The following NOS1 variants were observed in gnomAD, a reference collection of about 807,000 sequenced individuals.
NOS1 encodes the protein NOS type I.
NOS1 carries 51 observed loss-of-function variants against 164.5 expected under a neutral mutation model. That is an observed-to-expected ratio of 0.31 (90% confidence interval 0.25 to 0.39). NOS1 has a LOEUF of 0.39. Among genes scored for constraint, NOS1 ranks in the 10% least tolerant of loss-of-function variants. NOS1 has a pLI of 1.00. For synonymous variants in NOS1, 719 were observed against 745.8 expected (o/e 0.96, Z 0.59); for missense variants, 1,362 against 1,885.6 (o/e 0.72, Z 5.14).
rs1956556286 is a variant in NOS1 at position 117,213,373 on chromosome 12, G to C, written c.*1936C>G. The C allele has an allele frequency of 1.0e-6, 1 of 985,486 alleles. No individual in the cohort carries two copies. The highest frequency in any genetic ancestry group is 1.2e-6 in the Non-Finnish European group (1 of 829,960). 61.0% of individuals were successfully genotyped at this position (985,486 alleles called of 1,614,324 possible). On this transcript the variant is annotated 3_prime_UTR_variant, in exon 29 of 29. Coordinates refer to ENST00000317775, the MANE Select transcript of NOS1 (RefSeq NM_000620.5). ...TCAGGATTAGAAGGGGTGAGTGTGG[G>C]ATGCTAAGTGTTTGTTCTTTATATC...
At chr12:117,336,280 G>A (rs996683457) in intron 1 of NOS1, among the ~76,000 whole-genome samples, 4 of 152,174 alleles carry the variant, frequency 2.6e-5, no homozygotes, top group Non-Finnish European at 5.9e-5. Flanking sequence ...TCCATTTTTA[G>A]CATTGAAAGA....
At chr12:117,338,288 C>T (rs1035194355) in intron 1 of NOS1, among the ~76,000 whole-genome samples, 2 of 151,852 alleles carry the variant, frequency 1.3e-5, no homozygotes, top group Non-Finnish European at 2.9e-5. Flanking sequence ...GTAGTCCCAG[C>T]TATTCTGGAG....
chr12:117,215,715 G>A (rs145420983), intron 28 of NOS1, among the ~76,000 whole-genome samples: 48 of 152,242 alleles, frequency 3.2e-4, no homozygotes, highest in African/African-American at 1.2e-3. Context: ...TTGCAGGCGT[G>A]AGCCACTGCA....
Position 117,212,248 on chromosome 12 carries a change from C to T in NOS1, c.*3061G>A. ...GGCATTTCGTGGGCATTGTCTCATT[C>T]AATCCACCTTGTTATACAGGTGGGT... On this transcript the variant is annotated 3_prime_UTR_variant, in exon 29 of 29. Transcript: ENST00000317775. 1.0e-6 allele frequency: 1 copy of T among 985,350 alleles called. No homozygotes were observed. Among genetic ancestry groups the T allele is most frequent in the Non-Finnish European group, 1.2e-6 (1 of 829,906 alleles). 61.0% of individuals were successfully genotyped at this position (985,350 alleles called of 1,614,324 possible). A position where few individuals can be genotyped will look rare whatever the true frequency, so the allele number is the denominator to read the frequency against.
Position 117,243,013 on chromosome 12 carries a change from G to C in NOS1, c.2962+284C>G, listed in dbSNP as rs1870310960. Among the ~76,000 whole-genome samples the C allele has an allele frequency of 6.6e-6, 1 of 152,202 alleles. No homozygotes were observed. ...GCAGGCATTGGTTGGGATGGGTGGG[G>C]TGGTTGTGGGTAGTGCAGAACAAAA... On this transcript the variant is annotated intron_variant, in intron 19 of 28. Transcript: ENST00000317775. The surrounding 1 kb of genome is among the most constrained non-coding windows in gnomAD (Gnocchi z 4.3).
intron 20 of NOS1, among the ~76,000 whole-genome samples, chr12:117,235,656 T>C (rs1869646101): frequency 6.6e-6 from 1 of 152,230 alleles, no homozygotes. Flanking sequence ...CCTTTCTGCA[T>C]TGATTTTTGT....
intron 3 of NOS1, among the ~76,000 whole-genome samples, chr12:117,300,296 G>C (rs868555452): frequency 6.6e-6 from 1 of 152,196 alleles, no homozygotes; most frequent in Middle Eastern, 3.2e-3. Context: ...GTCACTGATT[G>C]TGAACCACAG....
intron 10 of NOS1, among the ~76,000 whole-genome samples, chr12:117,268,838 C>T (rs1258163941): frequency 1.3e-5 from 2 of 151,676 alleles, no homozygotes; most frequent in Non-Finnish European, 2.9e-5. Flanking sequence ...ACCTCATGAT[C>T]CACCCGCCTT....
intron 3 of NOS1, among the ~76,000 whole-genome samples, chr12:117,307,431 G>C (rs1478173182): frequency 1.3e-5 from 2 of 152,106 alleles, no homozygotes; most frequent in Non-Finnish European, 2.9e-5. Context: ...CACTAACAGG[G>C]CTCACTGTAG....
chr12:117,361,231 T>C (rs1877133728), intron 1 of NOS1, among the ~76,000 whole-genome samples: 2 of 149,986 alleles, frequency 1.3e-5, no homozygotes, highest in South Asian at 4.2e-4. Flanking sequence ...GCCGCCGCGC[T>C]CCGGGTTCTG....
intron 13 of NOS1, among the ~76,000 whole-genome samples, chr12:117,261,778 C>T (rs1482901247): frequency 6.6e-6 from 1 of 152,130 alleles, no homozygotes; most frequent in African/African-American, 2.4e-5. Context: ...CAGAGTGAGA[C>T]TTTGTCTCTA....
At chr12:117,343,800 T>C (rs1244235672) in intron 1 of NOS1, among the ~76,000 whole-genome samples, 2 of 152,192 alleles carry the variant, frequency 1.3e-5, no homozygotes. Flanking sequence ...GTCAAAAGGC[T>C]GACAAAAGGT....
intron 9 of NOS1, among the ~76,000 whole-genome samples, chr12:117,274,332 A>G (rs1592976604): frequency 6.6e-6 from 1 of 152,214 alleles, no homozygotes; most frequent in Admixed American, 6.5e-5. Context: ...GCAAGGTTGC[A>G]GAGAAAAGGG....
Position 117,286,159 on chromosome 12 carries a change from T to A in NOS1, c.1235A>T (p.His412Leu). 1 of 1,614,226 alleles carries A rather than the reference T, an allele frequency of 6.2e-7. No individual in the cohort carries two copies. The highest frequency in any genetic ancestry group is 8.5e-7 in the Non-Finnish European group (1 of 1,180,042). ...KDTELIYGAK[H>L]AWRNASRCVG... ...ACAGCGCGAGGCATTCCGCCAGGCG[T>A]GCTTGGCCCCATAGATGAGCTCTGT... The change falls in exon 6 of 29, where the codon CAC becomes CTC. Residue 412 changes from histidine to leucine, a missense_variant. Around this residue, in one of 4 missense-constraint regions of NOS1, gnomAD observed 129 missense variants for 186.0 expected, o/e 0.69. Transcript: ENST00000317775.
rs1405394267 is a variant in NOS1 at position 117,290,419 on chromosome 12, G to A, written c.860C>T (p.Thr287Ile). The change falls in exon 4 of 29, where the codon ACC (threonine) becomes ATC (isoleucine). Residue 287 changes from threonine to isoleucine, a missense_variant. Transcript: ENST00000317775. ...CTTTGTGGGGGACTGTTTTCCTGAG[G>A]TGGGGGGCTGCAGGAGAGAATGAAG... ...NPYSEKEQPP[T>I]SGKQSPTKNG... is the part of the protein sequence containing the mutation. The A allele has an allele frequency of 1.2e-6, 2 of 1,612,062 alleles. No homozygotes were observed. The highest frequency in any genetic ancestry group is 1.3e-5 in the African/African-American group (1 of 74,890).
Position 117,304,983 on chromosome 12 carries a change from A to C in NOS1, c.852+6483T>G, listed in dbSNP as rs1350052379. 5 of 983,808 alleles carry C rather than the reference A, an allele frequency of 5.1e-6. No homozygotes were observed. In the South Asian group the frequency reaches 2.4e-4, roughly 46 times the overall value. The allele number at this position is 983,808 out of a possible 1,614,324, so 60.9% of individuals were successfully genotyped here. ...ATTCGTCCTGCTTCAATTGCATTCT[A>C]TTGCCTTTTGCCCAGTCCTTGGCAG... On this transcript the variant is annotated intron_variant, in intron 3 of 28. Coordinates refer to ENST00000317775, the MANE Select transcript of NOS1 (RefSeq NM_000620.5).
chr12:117,229,596 CTAT>C (rs1410461300), intron 22 of NOS1, among the ~76,000 whole-genome samples: 13 of 151,916 alleles, frequency 8.6e-5, no homozygotes, highest in Non-Finnish European at 1.3e-4. Context: ...ATCTATCTAT[CTAT>C]CTATCTGGAG....
intron 8 of NOS1, 63 bp downstream of exon 8, chr12:117,280,662 G>A: frequency 6.8e-7 from 1 of 1,460,976 alleles, no homozygotes; most frequent in Non-Finnish European, 9.0e-7. Context: ...GCCCGAAAAA[G>A]TCTGTGGTCT....
chr12:117,335,729 T>TGGGAGAGAGAGAGAGAGAGAGAGAGA (rs368456314), intron 1 of NOS1, among the ~76,000 whole-genome samples: 6 of 112,540 alleles, frequency 5.3e-5, no homozygotes, highest in African/African-American at 1.1e-4. Flanking sequence ...ACAGACTATA[T>TGGGAGAGAGAGAGAGAGAGAGAGAGA]GAGAGAGAGA....
Sources: allele counts gnomAD v4.1 joint callset (sites outside exome capture counted in the v4.1 genomes callset), GRCh38; gene constraint gnomAD v4.1.1; regional missense constraint gnomAD v4.1.1; non-coding constraint Gnocchi (gnomAD v3.1); transcripts MANE v1.5; gene names NCBI Gene and HGNC (gene_info 2026-07-23, HGNC 2026-07-21).